Variants in SLC38A3 observed in about 807,000 individuals in gnomAD.
SLC38A3 encodes the protein sodium-coupled neutral amino acid transporter 3.
A neutral mutation model predicts 59.5 loss-of-function variants in SLC38A3; 17 were observed. The observed-to-expected ratio is 0.29, with a 90% CI of 0.20 to 0.43. The LOEUF (loss-of-function observed/expected upper bound fraction) is 0.43. Among genes scored for constraint, SLC38A3 ranks in the 20% least tolerant of loss-of-function variants. The pLI is 1.00. For synonymous variants in SLC38A3, 238 were observed against 260.3 expected, an observed-to-expected ratio of 0.91 and a Z score of 0.82; for missense variants, 454 against 653.9, an observed-to-expected ratio of 0.69 and a Z score of 3.33.
Position 50,215,872 on chromosome 3 carries a change from G to A in SLC38A3, c.548+51G>A, listed in dbSNP as rs1408910484. 6.1e-6 allele frequency: 4 copies of A among 653,118 alleles called. No homozygotes were observed. The African/African-American group carries it at 7.4e-5, about 12-fold the overall frequency. The allele number at this position is 653,118 out of a possible 1,614,324, so 40.5% of individuals were successfully genotyped here. ...GGGAGGGGTGCGGTGCAGTGAGGAG[G>A]GGTGGGGTGGGGTGGGGCTGGGTGA... On this transcript the variant is annotated intron_variant, in intron 7 of 15. Coordinates refer to ENST00000614032, the MANE Select transcript of SLC38A3 (RefSeq NM_006841.6). The surrounding 1 kb of genome is among the most constrained non-coding windows in gnomAD (Gnocchi z 7.1).
intron 1 of SLC38A3, among the ~76,000 whole-genome samples, chr3:50,213,710 C>T (rs1488232216): frequency 2.6e-5 from 4 of 152,204 alleles, no homozygotes; most frequent in Admixed American, 6.5e-5. Context: ...GACACAGGGC[C>T]AGTGCAGGAA....
chr3:50,211,571 T>C (rs1699728974), intron 1 of SLC38A3, among the ~76,000 whole-genome samples: 1 of 65,914 alleles, frequency 1.5e-5, no homozygotes, highest in Non-Finnish European at 3.2e-5. Flanking sequence ...CCCCATCCTT[T>C]TTTTTTTTTT....
rs968768003 is a variant in SLC38A3, at chr3:50,215,194, C to G, written c.300-192C>G. ...CCAGAGGGCCCCTTCTGGGGTGTGT[C>G]GCACCCTGGATCAAAGGGGGTGGTG... is the stretch of plus-strand genomic sequence containing the variant. On this transcript the variant is annotated intron_variant, in intron 4 of 15. Transcript: ENST00000614032. This position sits in a 1 kb window ranked among gnomAD's most constrained non-coding sequence, Gnocchi z 7.1. 1.6e-6 allele frequency: 1 copy of G among 607,508 alleles called. No individual in the cohort carries two copies. The highest frequency in any genetic ancestry group is 2.9e-6 in the Non-Finnish European group (1 of 340,744). The allele number at this position is 607,508 out of a possible 1,614,324, so 37.6% of individuals were successfully genotyped here. A position where few individuals can be genotyped will look rare whatever the true frequency, so the allele number is the denominator to read the frequency against.
chr3:50,208,967 A>C (rs757703941), intron 1 of SLC38A3, among the ~76,000 whole-genome samples: 2 of 151,966 alleles, frequency 1.3e-5, no homozygotes, highest in Admixed American at 6.6e-5. Flanking sequence ...GGACTCTCTG[A>C]TGAGTCCTGA....
chr3:50,217,756 G>T lies in SLC38A3; in HGVS notation c.771G>T (p.Glu257Asp), dbSNP rs1325648389. Residue 257 changes from glutamate (E) to aspartate (D), a missense_variant, in exon 10 of 16, where the codon GAG (glutamate) becomes GAT (aspartate). By Grantham distance (45) the Glu-to-Asp change is conservative. Transcript: ENST00000614032. The surrounding 1 kb of genome is among the most constrained non-coding windows in gnomAD (Gnocchi z 4.9). ...CCACAGGCAACTTCAGCCACGTGGA[G>T]ATCGTGAAGGAGAAGGTGCAGCTGC... Reference protein sequence around the residue: ...NNTTGNFSHVEIVKEKVQLQV... With the variant: ...NNTTGNFSHVDIVKEKVQLQV... 6.8e-6 allele frequency: 11 copies of T among 1,613,588 alleles called. No individual in the cohort carries two copies. Among genetic ancestry groups the T allele is most frequent in the Middle Eastern group, 1.6e-4 (1 of 6,078 alleles).
At chr3:50,210,702 T>C (rs1038254428) in intron 1 of SLC38A3, among the ~76,000 whole-genome samples, 2 of 152,206 alleles carry the variant, frequency 1.3e-5, no homozygotes, top group African/African-American at 4.8e-5. Flanking sequence ...TCTCACCAGG[T>C]GATGTTCGCG....
rs1363548832 is a variant in SLC38A3 at position 50,217,818 on chromosome 3, G to A, written c.833G>A (p.Ser278Asn). ...EPEASAFCTP[S>N]YFTLNSQTAY... ...GAGGCTTCAGCCTTCTGCACTCCCA[G>A]CTACTTCACGCTCAACTCACAGGTT... Residue 278 changes from serine to asparagine, a missense_variant, in exon 10 of 16, where the codon AGC becomes AAC. Physicochemically the swap from Ser to Asn is conservative, Grantham distance 46 (BLOSUM62 1). This residue lies in a region of SLC38A3 where 390 missense variants were observed against 557.9 expected (regional missense o/e 0.70). Coordinates refer to ENST00000614032, the MANE Select transcript of SLC38A3 (RefSeq NM_006841.6). The surrounding 1 kb of genome is among the most constrained non-coding windows in gnomAD (Gnocchi z 4.9). 1 of 1,614,068 alleles carries A rather than the reference G, an allele frequency of 6.2e-7. No homozygotes were observed. Among genetic ancestry groups the A allele is most frequent in the South Asian group, 1.1e-5 (1 of 91,088 alleles).
intron 1 of SLC38A3, among the ~76,000 whole-genome samples, chr3:50,210,019 G>A (rs1016968034): frequency 2.0e-5 from 3 of 152,154 alleles, no homozygotes; most frequent in Non-Finnish European, 4.4e-5. Flanking sequence ...CCTCCCACCT[G>A]CTTTGTCCCT....
chr3:50,219,813 A>C (rs1016419449), intron 14 of SLC38A3, 68 bp from the exon 15 acceptor site: 1 of 1,288,140 alleles, frequency 7.8e-7, no homozygotes, highest in Non-Finnish European at 1.1e-6. Context: ...CTCATTGAAG[A>C]GTCCACCCCC....
intron 1 of SLC38A3, among the ~76,000 whole-genome samples, chr3:50,208,454 G>A (rs947353913): frequency 6.6e-6 from 1 of 152,038 alleles, no homozygotes; most frequent in African/African-American, 2.4e-5. Flanking sequence ...GTAGAGATGG[G>A]GTTTCACCAT....
chr3:50,218,683 C>T lies in SLC38A3; in HGVS notation c.1127C>T (p.Ala376Val). The T allele has an allele frequency of 1.2e-6, 2 of 1,612,944 alleles. No individual in the cohort carries two copies. Among genetic ancestry groups the T allele is most frequent in the South Asian group, 1.1e-5 (1 of 91,066 alleles). ...TGTGTGCGCGTGGCCGTGCTGACAG[C>T]AGTCACGCTCACAGTGCCCATCGTT... ...ILCVRVAVLTAVTLTVPIVLF... is the reference protein window; with the variant it reads ...ILCVRVAVLTVVTLTVPIVLF... The change falls in exon 13 of 16, where the codon GCA (alanine) becomes GTA (valine). Residue 376 changes from alanine (A) to valine (V), a missense_variant. Physicochemically the swap from Ala to Val is moderately conservative, Grantham distance 64. Around this residue, in one of 3 missense-constraint regions of SLC38A3, gnomAD observed 390 missense variants for 557.9 expected, o/e 0.70. Coordinates refer to ENST00000614032, the MANE Select transcript of SLC38A3 (RefSeq NM_006841.6). This position sits in a 1 kb window ranked among gnomAD's most constrained non-coding sequence, Gnocchi z 5.8.
chr3:50,210,441 A>C (rs898475724), intron 1 of SLC38A3, among the ~76,000 whole-genome samples: 1 of 152,156 alleles, frequency 6.6e-6, no homozygotes, highest in Non-Finnish European at 1.5e-5. Flanking sequence ...AGTCGTCACC[A>C]AGGTAAAAAG....
In SLC38A3 at chr3:50,215,391, T is replaced by C. The variant is rs751245817; in HGVS notation, c.305T>C (p.Leu102Pro). ...ANTGIILFLF[L>P]LTAVALLSSY... The stretch of plus-strand genomic sequence containing the variant: ...ATCTTCCCATGTGTCCCCAGGTTCC[T>C]GTTGACAGCTGTCGCCTTGCTCTCC... Residue 102 changes from leucine to proline, a missense_variant, in exon 5 of 16, where the codon CTG becomes CCG. Physicochemically the swap from Leu to Pro is moderately conservative, Grantham distance 98. Around this residue, in one of 3 missense-constraint regions of SLC38A3, gnomAD observed 390 missense variants for 557.9 expected, o/e 0.70. Coordinates refer to ENST00000614032, the MANE Select transcript of SLC38A3 (RefSeq NM_006841.6). The surrounding 1 kb of genome is among the most constrained non-coding windows in gnomAD (Gnocchi z 7.1). 6.2e-7 allele frequency: 1 copy of C among 1,613,990 alleles called. No individual in the cohort carries two copies. Among genetic ancestry groups the C allele is most frequent in the Non-Finnish European group, 8.5e-7 (1 of 1,179,848 alleles).
chr3:50,218,676 C>G lies in SLC38A3; in HGVS notation c.1120C>G (p.Leu374Val), dbSNP rs1269139181. Residue 374 changes from leucine to valine, a missense_variant, in exon 13 of 16, where the codon CTG becomes GTG. Leu to Val is a conservative substitution (Grantham distance 32, BLOSUM62 1). This residue lies in a region of SLC38A3 where 390 missense variants were observed against 557.9 expected (regional missense o/e 0.70). Transcript: ENST00000614032. The surrounding 1 kb of genome is among the most constrained non-coding windows in gnomAD (Gnocchi z 5.8). ...VLILCVRVAV[L>V]TAVTLTVPIV... ...GATCCTGTGTGTGCGCGTGGCCGTGCTGACAGCAGTCACGCTCACAGTGCC... is the reference window on the plus strand; with the variant it reads ...GATCCTGTGTGTGCGCGTGGCCGTGGTGACAGCAGTCACGCTCACAGTGCC... 2 of 1,613,330 alleles carry G rather than the reference C, an allele frequency of 1.2e-6. No homozygotes were observed. Among genetic ancestry groups the G allele is most frequent in the Admixed American group, 3.3e-5 (2 of 60,004 alleles).
chr3:50,215,794 C>G lies in SLC38A3; in HGVS notation c.521C>G (p.Thr174Ser), dbSNP rs753556451. ...TCTGAGCTGCCACTTGTCATACAGA[C>G]CTTCCTGAACCTGGAGGAGAAAACC... The part of the protein sequence containing the change: ...IKSELPLVIQ[T>S]FLNLEEKTSD... Residue 174 changes from threonine to serine, a missense_variant, in exon 7 of 16, where the codon ACC becomes AGC. By Grantham distance (58) the Thr-to-Ser change is moderately conservative. Coordinates refer to ENST00000614032, the MANE Select transcript of SLC38A3 (RefSeq NM_006841.6). This position sits in a 1 kb window ranked among gnomAD's most constrained non-coding sequence, Gnocchi z 7.1. 6.3e-7 allele frequency: 1 copy of G among 1,589,952 alleles called. No homozygotes were observed. The highest frequency in any genetic ancestry group is 2.3e-5 in the East Asian group (1 of 43,738).
At position 50,217,475 on chromosome 3, in the gene SLC38A3, T is replaced by C. The variant is rs1207364417; in HGVS notation, c.690+2T>C. On this transcript the variant is annotated splice_donor_variant, in intron 9 of 15. Coordinates refer to ENST00000614032, the MANE Select transcript of SLC38A3 (RefSeq NM_006841.6). LOFTEE classifies it high-confidence loss of function. This position sits in a 1 kb window ranked among gnomAD's most constrained non-coding sequence, Gnocchi z 4.9. ...TGCATGGTGTTCTTCCTAATTGCAG[T>C]GAGTCACCCTCCATGTTGGCTGAGA... 6.2e-7 allele frequency: 1 copy of C among 1,612,866 alleles called. No individual in the cohort carries two copies. Among genetic ancestry groups the C allele is most frequent in the Non-Finnish European group, 8.5e-7 (1 of 1,179,430 alleles).
chr3:50,216,483 C>T (rs774853463), intron 7 of SLC38A3, among the ~76,000 whole-genome samples: 7 of 152,156 alleles, frequency 4.6e-5, no homozygotes, highest in Admixed American at 6.5e-5. Context: ...AGGAGGGGGC[C>T]GGATGAGGCA....
Position 50,214,737 on chromosome 3 carries a change from G to A in SLC38A3, c.268G>A (p.Ala90Thr). The A allele has an allele frequency of 6.2e-7, 1 of 1,613,000 alleles. No individual in the cohort carries two copies. Among genetic ancestry groups the A allele is most frequent in the Non-Finnish European group, 8.5e-7 (1 of 1,179,328 alleles). ...MGSGILGLAYAMANTGIILFL... is the reference protein window; with the variant it reads ...MGSGILGLAYTMANTGIILFL... ...CAGCGGCATCCTGGGACTCGCCTAT[G>A]CCATGGCCAATACGGGCATTATCCT... The change falls in exon 4 of 16, where the codon GCC becomes ACC. Residue 90 changes from alanine (A) to threonine (T), a missense_variant. Coordinates refer to ENST00000614032, the MANE Select transcript of SLC38A3 (RefSeq NM_006841.6). The surrounding 1 kb of genome is among the most constrained non-coding windows in gnomAD (Gnocchi z 6.0).
At position 50,213,496 on chromosome 3, in the gene SLC38A3, G is replaced by A. The variant is rs1427102260; in HGVS notation, c.-51-653G>A. 3.3e-5 allele frequency among the ~76,000 whole-genome samples: 5 copies of A among 152,322 alleles called. No individual in the cohort carries two copies. The East Asian group carries it at 7.7e-4, about 24-fold the overall frequency. ...CCCAGGTGTCCAGCCACCCAGCACCGCCTCAGGCATCCTGGCTCTGGGGAG... is the reference window on the plus strand; with the variant it reads ...CCCAGGTGTCCAGCCACCCAGCACCACCTCAGGCATCCTGGCTCTGGGGAG... On this transcript the variant is annotated intron_variant, in intron 1 of 15. Transcript: ENST00000614032.
Sources: allele counts gnomAD v4.1 joint callset (sites outside exome capture counted in the v4.1 genomes callset), GRCh38; gene constraint gnomAD v4.1.1; regional missense constraint gnomAD v4.1.1; non-coding constraint Gnocchi (gnomAD v3.1); transcripts MANE v1.5; gene names NCBI Gene and HGNC (gene_info 2026-07-23, HGNC 2026-07-21).